The following TET2 variants were observed in gnomAD, a reference collection of about 807,000 sequenced individuals.
TET2 encodes the protein tet methylcytosine dioxygenase 2.
Under a neutral mutation model 142.9 loss-of-function variants are expected in TET2, and 299 were observed. The ratio of observed to expected loss-of-function variants is 2.09; its 90% CI spans 1.90 to 2.30. TET2 has a LOEUF of 2.30. Among genes scored for constraint, TET2 ranks in the 30% most tolerant of loss-of-function variants. The pLI, the probability that TET2 is intolerant of heterozygous loss-of-function variation, is 0.00. For synonymous variants in TET2, 819 were observed against 849.0 expected, an observed-to-expected ratio of 0.96 and a Z score of 0.61; for missense variants, 2,418 against 2,378.0, an observed-to-expected ratio of 1.02 and a Z score of -0.35.
At position 105,242,818 on chromosome 4, in the gene TET2, T is replaced by A. The variant is rs1294170442; in HGVS notation, c.3501-16T>A. On this transcript the variant is annotated splice_polypyrimidine_tract_variant and intron_variant, in intron 4 of 10. Transcript: ENST00000380013. ...TGCTAATTGTATGTGTGTGTGTTTCTGTGGGTTTCTTTAAGGTTTGGACAG... is the reference window on the plus strand; with the variant it reads ...TGCTAATTGTATGTGTGTGTGTTTCAGTGGGTTTCTTTAAGGTTTGGACAG... The A allele has an allele frequency of 1.9e-6, 3 of 1,547,822 alleles. No homozygotes were observed. The highest frequency in any genetic ancestry group is 2.6e-6 in the Non-Finnish European group (3 of 1,146,072).
In TET2 at chr4:105,279,733, TTATTA is replaced by T. The variant is rs1314308836; in HGVS notation, c.*3218_*3222del. On this transcript the variant is annotated 3_prime_UTR_variant, in exon 11 of 11. Transcript: ENST00000380013. ...ATGCAGGTTATTTGAAAGCTGTTTA[TTATTA>T]TATCATTCCTGATAATGCTATGTGA... 1 of 225,474 alleles carries T rather than the reference TTATTA, an allele frequency of 4.4e-6. No homozygotes were observed. The highest frequency in any genetic ancestry group is 8.8e-6 in the Non-Finnish European group (1 of 113,336). 14.0% of individuals were successfully genotyped at this position (225,474 alleles called of 1,614,324 possible). A position where few individuals can be genotyped will look rare whatever the true frequency, so the allele number is the denominator to read the frequency against.
chr4:105,179,481 A>G (rs1259865873), intron 1 of TET2, among the ~76,000 whole-genome samples: 4 of 152,210 alleles, frequency 2.6e-5, no homozygotes, highest in Non-Finnish European at 5.9e-5. Flanking sequence ...AGGCAAATTC[A>G]TGTACCTACA....
At chr4:105,201,522 A>G (rs1014836726) in intron 2 of TET2, among the ~76,000 whole-genome samples, 2 of 152,172 alleles carry the variant, frequency 1.3e-5, no homozygotes, top group South Asian at 4.1e-4. Context: ...TAACATTTAA[A>G]TCAAACAGTT....
chr4:105,190,080 A>C (rs1725694031), intron 1 of TET2, among the ~76,000 whole-genome samples: 1 of 152,206 alleles, frequency 6.6e-6, no homozygotes, highest in Non-Finnish European at 1.5e-5. Context: ...GAAGTAATAT[A>C]AGCCACTGGC....
rs1728672951 is a variant in TET2 at position 105,234,039 on chromosome 4, A to G, written c.97A>G (p.Lys33Glu). Residue 33 changes from lysine to glutamate, a missense_variant, in exon 3 of 11, where the codon AAG (lysine) becomes GAG (glutamate). Transcript: ENST00000380013. ...TTGCCAGACAGAACCTCTGGCTACAAAGCTCCAGAATGGAAGCCCACTGCC... is the reference window on the plus strand; with the variant it reads ...TTGCCAGACAGAACCTCTGGCTACAGAGCTCCAGAATGGAAGCCCACTGCC... ...PICQTEPLAT[K>E]LQNGSPLPER... The G allele has an allele frequency of 6.2e-7, 1 of 1,614,084 alleles. No homozygotes were observed. Among genetic ancestry groups the G allele is most frequent in the Non-Finnish European group, 8.5e-7 (1 of 1,180,000 alleles).
Position 105,278,476 on chromosome 4 carries a change from T to G in TET2, c.*1957T>G. On this transcript the variant is annotated 3_prime_UTR_variant, in exon 11 of 11. Coordinates refer to ENST00000380013, the MANE Select transcript of TET2 (RefSeq NM_001127208.3). Reference sequence around the variant, plus strand: ...TATAACTTGAACTTCAACCTTTTTGTTCTAAAAATTCAGGGATATTTCAGC... The same window carrying G: ...TATAACTTGAACTTCAACCTTTTTGGTCTAAAAATTCAGGGATATTTCAGC... 4.4e-6 allele frequency: 1 copy of G among 227,022 alleles called. No individual in the cohort carries two copies. The highest frequency in any genetic ancestry group is 8.7e-6 in the Non-Finnish European group (1 of 114,294). 14.1% of individuals were successfully genotyped at this position (227,022 alleles called of 1,614,324 possible). A position where few individuals can be genotyped will look rare whatever the true frequency, so the allele number is the denominator to read the frequency against.
intron 6 of TET2, among the ~76,000 whole-genome samples, chr4:105,250,873 G>A (rs1324109309): frequency 6.6e-6 from 1 of 151,818 alleles, no homozygotes; most frequent in Non-Finnish European, 1.5e-5. Context: ...GTGGAGACAG[G>A]GTTTCACCAT....
chr4:105,236,601 G>T lies in TET2; in HGVS notation c.2659G>T (p.Glu887Ter). The T allele has an allele frequency of 6.2e-7, 1 of 1,614,034 alleles. No individual in the cohort carries two copies. The highest frequency in any genetic ancestry group is 8.5e-7 in the Non-Finnish European group (1 of 1,180,000). The change falls in exon 3 of 11, where the codon GAG becomes TAG. Residue 887 changes from glutamate (E) to a stop codon, truncating the protein, a stop_gained. Coordinates refer to ENST00000380013, the MANE Select transcript of TET2 (RefSeq NM_001127208.3). LOFTEE classifies it high-confidence loss of function. The stretch of plus-strand genomic sequence containing the variant: ...TCTTCACAGGTGCTTTCAAGAACAG[G>T]AGCAGAAGTCACAACAAGCTTCAGT... ...DLLHRCFQEQ[E>*]QKSQQASVLQ...
Position 105,237,022 on chromosome 4 carries a change from C to T in TET2, c.3080C>T (p.Thr1027Ile). Residue 1027 changes from threonine to isoleucine, a missense_variant, in exon 3 of 11, where the codon ACC becomes ATC. Transcript: ENST00000380013. ...DNVQQKSIIE[T>I]MEQHLKQFHA... ...GTGCAGCAAAAGAGCATCATTGAGA[C>T]CATGGAGCAGCATCTGAAGCAGTTT... 6.2e-7 allele frequency: 1 copy of T among 1,614,146 alleles called. No individual in the cohort carries two copies. Among genetic ancestry groups the T allele is most frequent in the Non-Finnish European group, 8.5e-7 (1 of 1,180,024 alleles).
rs556625807 is a variant in TET2, at chr4:105,174,886, C to G, written c.-192-15474C>G. Among the ~76,000 whole-genome samples the G allele has an allele frequency of 2.6e-5, 4 of 152,272 alleles. No homozygotes were observed. In the East Asian group the frequency reaches 7.7e-4, roughly 29 times the overall value. On this transcript the variant is annotated intron_variant, in intron 1 of 10. Transcript: ENST00000380013. ...TTTTGGGATTTTATAAGAGTGTAAC[C>G]TCCCAAAGGGAAGGGAAATACCTAA...
intron 2 of TET2, among the ~76,000 whole-genome samples, chr4:105,193,037 C>G (rs1397972470): frequency 6.6e-6 from 1 of 152,106 alleles, no homozygotes; most frequent in Non-Finnish European, 1.5e-5. Flanking sequence ...TCTTATACAT[C>G]AGTAAATATT....
In TET2 at chr4:105,276,429, A is replaced by G; in HGVS notation, c.5919A>G (p.Glu1973=). ...TGCGTTTCATCAAGTCTCTTGCCGAAAGGACCATGTCCGTGACCACAGACT... is the reference window on the plus strand; with the variant it reads ...TGCGTTTCATCAAGTCTCTTGCCGAGAGGACCATGTCCGTGACCACAGACT... ...TYLRFIKSLA[E]RTMSVTTDST... Residue 1973 remains glutamate, a synonymous_variant, in exon 11 of 11, where the codon GAA becomes GAG. Coordinates refer to ENST00000380013, the MANE Select transcript of TET2 (RefSeq NM_001127208.3). 6.4e-7 allele frequency: 1 copy of G among 1,551,942 alleles called. No individual in the cohort carries two copies. Among genetic ancestry groups the G allele is most frequent in the Non-Finnish European group, 8.7e-7 (1 of 1,147,032 alleles).
intron 1 of TET2, among the ~76,000 whole-genome samples, chr4:105,184,926 C>T (rs1298585476): frequency 6.6e-6 from 1 of 152,128 alleles, no homozygotes; most frequent in Non-Finnish European, 1.5e-5. Flanking sequence ...ATTACTGGGG[C>T]TTTGAAGAAA....
At position 105,272,644 on chromosome 4, in the gene TET2, CAA is replaced by C; in HGVS notation, c.4265_4266del (p.Lys1422SerfsTer3). Reference sequence around the variant, plus strand: ...AGCAGCTTCACGTTCTGCCTTTATACAAAGTCTCTGACGTGGATGAGTTTGGG... The same window carrying C: ...AGCAGCTTCACGTTCTGCCTTTATACAGTCTCTGACGTGGATGAGTTTGGG... Reference protein sequence around the residue: ...DEQLHVLPLYKVSDVDEFGSV... With the variant: ...DEQLHVLPLYXVSDVDEFGSV... On this transcript the variant is annotated frameshift_variant, in exon 10 of 11. Transcript: ENST00000380013. LOFTEE classifies it high-confidence loss of function. The C allele has an allele frequency of 1.3e-6, 2 of 1,551,572 alleles. No homozygotes were observed. Among genetic ancestry groups the C allele is most frequent in the Non-Finnish European group, 1.7e-6 (2 of 1,146,954 alleles).
intron 6 of TET2, among the ~76,000 whole-genome samples, chr4:105,252,026 G>A (rs188909489): frequency 1.1e-3 from 168 of 152,226 alleles, no homozygotes; most frequent in Non-Finnish European, 2.1e-3. Context: ...CAATGAACCT[G>A]CATTGACAAT....
intron 2 of TET2, among the ~76,000 whole-genome samples, chr4:105,218,693 A>G (rs769843644): frequency 7.2e-5 from 11 of 152,044 alleles, no homozygotes; most frequent in Non-Finnish European, 1.6e-4. Flanking sequence ...ACCAAAACTC[A>G]GCATTCTTGT....
chr4:105,180,130 A>G (rs1324966651), intron 1 of TET2, among the ~76,000 whole-genome samples: 2 of 152,222 alleles, frequency 1.3e-5, no homozygotes, highest in African/African-American at 4.8e-5. Context: ...TAGATGTTCC[A>G]GCCTTCACTT....
chr4:105,175,089 C>T (rs1262419583), intron 1 of TET2, among the ~76,000 whole-genome samples: 3 of 152,268 alleles, frequency 2.0e-5, no homozygotes, highest in South Asian at 2.1e-4. Context: ...CAGAATGCTT[C>T]CCTTTCCCAC....
At chr4:105,179,183 G>A (rs1724979448) in intron 1 of TET2, among the ~76,000 whole-genome samples, 1 of 152,196 alleles carries the variant, frequency 6.6e-6, no homozygotes, top group African/African-American at 2.4e-5. Context: ...TGAGATTTGG[G>A]TGGGGACACA....
Sources: allele counts gnomAD v4.1 joint callset (sites outside exome capture counted in the v4.1 genomes callset), GRCh38; gene constraint gnomAD v4.1.1; transcripts MANE v1.5; gene names NCBI Gene and HGNC (gene_info 2026-07-23, HGNC 2026-07-21).